Variants in SCNN1B observed in about 807,000 individuals in gnomAD.
SCNN1B encodes sodium channel epithelial 1 subunit beta.
SCNN1B carries 46 observed loss-of-function variants against 65.3 expected under a neutral mutation model. The ratio of observed to expected loss-of-function variants is 0.70; its 90% CI spans 0.56 to 0.90. The LOEUF (loss-of-function observed/expected upper bound fraction) is 0.90. Among genes scored for constraint, SCNN1B ranks in the 40% least tolerant of loss-of-function variants. The pLI is 0.00. For synonymous variants in SCNN1B, 349 were observed against 330.6 expected (o/e 1.06, Z -0.60); for missense variants, 751 against 830.5 (o/e 0.90, Z 1.18).
chr16:23,311,362 T>C (rs1961339828), intron 1 of SCNN1B, among the ~76,000 whole-genome samples: 1 of 152,208 alleles, frequency 6.6e-6, no homozygotes, highest in Non-Finnish European at 1.5e-5. Flanking sequence ...AAGTCTTCTG[T>C]AGCCTCTCTC....
intron 1 of SCNN1B, among the ~76,000 whole-genome samples, chr16:23,302,993 C>T (rs1001537979): frequency 1.3e-5 from 2 of 152,106 alleles, no homozygotes; most frequent in African/African-American, 2.4e-5. Flanking sequence ...GACCCTGGAG[C>T]CTACCTCGTG....
upstream of SCNN1B, among the ~76,000 whole-genome samples, chr16:23,299,891 T>C (rs1223777616): frequency 5.3e-5 from 8 of 152,150 alleles, no homozygotes; most frequent in Non-Finnish European, 1.2e-4. Context: ...CACATGCACA[T>C]GTATGTTTAT....
At chr16:23,304,236 C>A (rs553840966) in intron 1 of SCNN1B, 1 of 683,510 alleles carries the variant, frequency 1.5e-6, no homozygotes, top group South Asian at 1.7e-5. Context: ...TGCTCACATA[C>A]GGACCCATGA....
At chr16:23,304,725 G>A (rs1961158428) in intron 1 of SCNN1B, among the ~76,000 whole-genome samples, 1 of 152,154 alleles carries the variant, frequency 6.6e-6, no homozygotes, top group Non-Finnish European at 1.5e-5. Context: ...AAGTTTGGTG[G>A]AACCCATGAT....
At chr16:23,292,747 G>A (rs1194407267) in intron 2 of SCNN1B, among the ~76,000 whole-genome samples, 3 of 151,470 alleles carry the variant, frequency 2.0e-5, no homozygotes, top group East Asian at 4.0e-4. Flanking sequence ...CAAGTGATCC[G>A]CCCACCTCGG....
At chr16:23,352,537 T>C (rs1198363654) in intron 2 of SCNN1B, among the ~76,000 whole-genome samples, 4 of 152,184 alleles carry the variant, frequency 2.6e-5, no homozygotes, top group African/African-American at 9.7e-5. Context: ...GTGCACTCTC[T>C]TTCTCTCTCT....
chr16:23,342,679 CT>C (rs1484821688), intron 1 of SCNN1B, among the ~76,000 whole-genome samples: 2 of 151,964 alleles, frequency 1.3e-5, no homozygotes, highest in Admixed American at 1.3e-4. Flanking sequence ...AAAAAAAAAT[CT>C]CCTAGTGTTT....
At chr16:23,329,420 T>G (rs1961765166) in intron 1 of SCNN1B, among the ~76,000 whole-genome samples, 1 of 152,250 alleles carries the variant, frequency 6.6e-6, no homozygotes, top group African/African-American at 2.4e-5. Flanking sequence ...CCAGCCTGTT[T>G]ATTTTAAACG....
chr16:23,346,202 T>TTTC (rs1962184467), intron 1 of SCNN1B, among the ~76,000 whole-genome samples: 1 of 58,846 alleles, frequency 1.7e-5, no homozygotes, highest in East Asian at 1.1e-3. Context: ...TTCCTTTTCT[T>TTTC]TTTTTTTTTT....
chr16:23,372,497 C>CT (rs200783041), intron 7 of SCNN1B, among the ~76,000 whole-genome samples: 30,547 of 137,390 alleles, frequency 0.22, 3,468 homozygotes, highest in East Asian at 0.36. Flanking sequence ...TGAGAAGTCC[C>CT]TTTTTTTTTT....
intron 1 of SCNN1B, among the ~76,000 whole-genome samples, chr16:23,346,675 C>G (rs1377272913): frequency 7.5e-6 from 1 of 133,188 alleles, no homozygotes; most frequent in Non-Finnish European, 1.6e-5. Flanking sequence ...CCCTCCCCAC[C>G]CCTGCAGGCT....
chr16:23,324,319 C>G (rs1191141406), intron 1 of SCNN1B, among the ~76,000 whole-genome samples: 1 of 151,940 alleles, frequency 6.6e-6, no homozygotes, highest in African/African-American at 2.4e-5. Context: ...TCCCAAGTAG[C>G]TGGGACCACA....
chr16:23,304,050 C>T, intron 1 of SCNN1B: 1 of 1,535,346 alleles, frequency 6.5e-7, no homozygotes, highest in South Asian at 1.2e-5. Flanking sequence ...TGCATGGATT[C>T]CCGCCGTGGA....
Position 23,348,935 on chromosome 16 carries a change from T to C in SCNN1B, c.311+25T>C, listed in dbSNP as rs779862838. ...AGTAGGTGGCCCCGGAGTGCACAGC[T>C]GGCCTCAGCAGACAGGCGGTTCTCT... On this transcript the variant is annotated intron_variant, in intron 2 of 12. Transcript: ENST00000343070. This position sits in a 1 kb window ranked among gnomAD's most constrained non-coding sequence, Gnocchi z 4.5. 1.6e-5 allele frequency: 26 copies of C among 1,602,344 alleles called. No individual in the cohort carries two copies. The highest frequency in any genetic ancestry group is 2.1e-5 in the Non-Finnish European group (25 of 1,169,568).
At chr16:23,308,478 A>G (rs1961268141) in intron 1 of SCNN1B, among the ~76,000 whole-genome samples, 1 of 152,216 alleles carries the variant, frequency 6.6e-6, no homozygotes, top group African/African-American at 2.4e-5. Context: ...AGCCATGATC[A>G]TGCCATTGTA....
chr16:23,316,990 C>T (rs961737849), intron 1 of SCNN1B, among the ~76,000 whole-genome samples: 3 of 152,200 alleles, frequency 2.0e-5, no homozygotes, highest in Admixed American at 2.0e-4. Context: ...CATGGTTTCC[C>T]AGACCCAAGA....
chr16:23,377,606 CCTT>C (rs1377769216), intron 10 of SCNN1B, among the ~76,000 whole-genome samples: 2 of 140,150 alleles, frequency 1.4e-5, no homozygotes, highest in Non-Finnish European at 3.0e-5. Context: ...TTCCTTCCTT[CCTT>C]CTTTCTTCCT....
chr16:23,313,902 C>A (rs965039234), intron 1 of SCNN1B, among the ~76,000 whole-genome samples: 2 of 152,200 alleles, frequency 1.3e-5, no homozygotes, highest in African/African-American at 4.8e-5. Context: ...GAGCCATGCA[C>A]CCGGCCAGCA....
intron 4 of SCNN1B, among the ~76,000 whole-genome samples, chr16:23,356,999 C>T (rs1252548445): frequency 6.6e-6 from 1 of 152,234 alleles, no homozygotes; most frequent in African/African-American, 2.4e-5. Flanking sequence ...GCCTCCTGAC[C>T]CAGCCTCCAG....
Sources: allele counts gnomAD v4.1 joint callset (sites outside exome capture counted in the v4.1 genomes callset), GRCh38; gene constraint gnomAD v4.1.1; non-coding constraint Gnocchi (gnomAD v3.1); transcripts MANE v1.5; gene names NCBI Gene and HGNC (gene_info 2026-07-23, HGNC 2026-07-21).